Variants in SV2C observed in about 807,000 individuals in gnomAD.
SV2C encodes the protein solute carrier family 22 member B3.
In SV2C, 49 loss-of-function variants were observed where a neutral mutation model predicts 79.7. The ratio of observed to expected loss-of-function variants is 0.61; its 90% CI spans 0.49 to 0.78. The LOEUF (loss-of-function observed/expected upper bound fraction) is 0.78. SV2C is among the 30% of genes least tolerant of loss of function. The probability of loss-of-function intolerance (pLI) is 0.00; values close to 1 mark genes in which losing one functional copy is unlikely to be tolerated. For missense variants in SV2C, 833 were observed against 912.9 expected (o/e 0.91, Z 1.13); for synonymous variants, 334 against 333.2 (o/e 1.00, Z -0.03).
chr5:75,907,023 G>C, the SV2C span, among the ~76,000 whole-genome samples: 1 of 152,204 alleles, frequency 6.6e-6, no homozygotes, highest in Non-Finnish European at 1.5e-5. Context: ...TCCTGAAAGT[G>C]CTGGTGGAGA....
At chr5:75,973,528 A>G in the SV2C span, among the ~76,000 whole-genome samples, 2 of 151,828 alleles carry the variant, frequency 1.3e-5, no homozygotes, top group African/African-American at 4.8e-5. Flanking sequence ...AAGAAAAAAA[A>G]GTAAAGAAAT....
At chr5:75,950,874 A>T in the SV2C span, among the ~76,000 whole-genome samples, 1 of 152,036 alleles carries the variant, frequency 6.6e-6, no homozygotes, top group Non-Finnish European at 1.5e-5. Flanking sequence ...CTATATTTAG[A>T]TACATAAGCT....
rs568450825 is a variant in SV2C, at chr5:76,118,615, G to T, written c.-101-13035G>T. ...TAGGTGAGAATCTAAGGAAATAGGG[G>T]CTTTTCTACATGCTTCTGGAATTAT... On this transcript the variant is annotated intron_variant, in intron 1 of 12. Coordinates refer to ENST00000502798, the MANE Select transcript of SV2C (RefSeq NM_014979.4). Among the ~76,000 whole-genome samples the T allele has an allele frequency of 6.3e-4, 96 of 152,222 alleles. 1 individual carries two copies. Among genetic ancestry groups the T allele is most frequent in the Admixed American group, 2.6e-4 (4 of 15,280 alleles).
At chr5:76,012,479 A>G in the SV2C span, among the ~76,000 whole-genome samples, 1 of 152,046 alleles carries the variant, frequency 6.6e-6, no homozygotes, top group African/African-American at 2.4e-5. Context: ...AAATTTGTTT[A>G]AGTTCCTTAT....
intron 4 of SV2C, among the ~76,000 whole-genome samples, chr5:76,257,236 A>G (rs1363699535): frequency 6.7e-6 from 1 of 149,086 alleles, no homozygotes; most frequent in Admixed American, 6.8e-5. Flanking sequence ...AATAGTCTCT[A>G]TAGCTCGTGG....
the SV2C span, among the ~76,000 whole-genome samples, chr5:75,984,827 C>T: frequency 5.9e-5 from 9 of 151,998 alleles, no homozygotes; most frequent in Non-Finnish European, 1.2e-4. Flanking sequence ...AGTCTTAATT[C>T]TTCTCTGCAG....
the SV2C span, among the ~76,000 whole-genome samples, chr5:76,012,034 A>C: frequency 2.0e-5 from 3 of 152,090 alleles, no homozygotes; most frequent in Admixed American, 6.6e-5. Context: ...GTTGGTTCCA[A>C]GTCTTTGCTA....
the SV2C span, among the ~76,000 whole-genome samples, chr5:75,858,874 G>T: frequency 6.6e-6 from 1 of 151,988 alleles, no homozygotes; most frequent in South Asian, 2.1e-4. Context: ...CCAATTTTTG[G>T]CATGCAGTTG....
rs376275246 is a variant in SV2C at position 76,146,660 on chromosome 5, A to G, written c.580+14330A>G. Among the ~76,000 whole-genome samples the G allele has an allele frequency of 6.5e-4, 99 of 152,248 alleles. 1 individual carries two copies. The South Asian group carries it at 0.02, about 30-fold the overall frequency. The stretch of plus-strand genomic sequence containing the variant: ...CTTAGAATGCCTTAACCTTCTGGGA[A>G]TGCAGCCCAGTAGGTCTCAGCCTCA... On this transcript the variant is annotated intron_variant, in intron 2 of 12. Transcript: ENST00000502798.
chr5:75,945,116 A>G, the SV2C span, among the ~76,000 whole-genome samples: 1 of 152,124 alleles, frequency 6.6e-6, no homozygotes, highest in African/African-American at 2.4e-5. Context: ...ATGCTACATA[A>G]AGTCATGGTG....
At chr5:76,048,396 A>T in the SV2C span, among the ~76,000 whole-genome samples, 1 of 152,214 alleles carries the variant, frequency 6.6e-6, no homozygotes, top group Admixed American at 6.5e-5. Context: ...TCAACAGATT[A>T]GGTGATGCCC....
chr5:76,345,067 C>G (rs1002849845), intron 12 of SV2C, among the ~76,000 whole-genome samples: 4 of 152,232 alleles, frequency 2.6e-5, no homozygotes, highest in Non-Finnish European at 4.4e-5. Context: ...TCGATATTCT[C>G]TCTTTTGCCT....
the SV2C span, among the ~76,000 whole-genome samples, chr5:75,931,328 A>C: frequency 6.6e-6 from 1 of 152,176 alleles, no homozygotes; most frequent in Non-Finnish European, 1.5e-5. Flanking sequence ...CTTGGTCACA[A>C]ATCTTCTATG....
chr5:75,922,076 A>G, the SV2C span, among the ~76,000 whole-genome samples: 1 of 152,304 alleles, frequency 6.6e-6, no homozygotes, highest in East Asian at 1.9e-4. Flanking sequence ...AAGAACATAG[A>G]TAAATGATAT....
chr5:76,108,265 A>G (rs1747987561), intron 1 of SV2C, among the ~76,000 whole-genome samples: 1 of 152,198 alleles, frequency 6.6e-6, no homozygotes, highest in Admixed American at 6.5e-5. Context: ...AATAGCAAAG[A>G]TAGGTAGTTA....
At chr5:75,880,488 G>C in the SV2C span, among the ~76,000 whole-genome samples, 2 of 152,126 alleles carry the variant, frequency 1.3e-5, no homozygotes, top group Non-Finnish European at 1.5e-5. Context: ...TCACTCTTAA[G>C]TTTAAATTTC....
At chr5:75,950,623 A>G in the SV2C span, among the ~76,000 whole-genome samples, 1 of 151,990 alleles carries the variant, frequency 6.6e-6, no homozygotes, top group East Asian at 1.9e-4. Context: ...GAGAATCCTT[A>G]TATATGAAAA....
At chr5:76,235,858 A>T (rs544558102) in intron 4 of SV2C, among the ~76,000 whole-genome samples, 1 of 152,262 alleles carries the variant, frequency 6.6e-6, no homozygotes, top group East Asian at 1.9e-4. Flanking sequence ...CTCTTTTTGC[A>T]TCTAAATTGA....
chr5:76,254,255 TATAGAGAG>T (rs1311071798), intron 4 of SV2C, among the ~76,000 whole-genome samples: 8 of 147,710 alleles, frequency 5.4e-5, no homozygotes, highest in African/African-American at 1.3e-4. Context: ...TATATATATA[TATAGAGAG>T]AGAGAGAGAG....
Sources: gnomAD v4.1 joint callset for allele counts (sites outside exome capture counted in the v4.1 genomes callset) on GRCh38, gnomAD v4.1.1 for gene constraint, MANE v1.5 for transcripts, NCBI Gene and HGNC (gene_info 2026-07-23, HGNC 2026-07-21) for gene names.